Variants in CYYR1 observed in about 807,000 individuals in gnomAD.
CYYR1 encodes cysteine and tyrosine-rich protein 1.
A neutral mutation model predicts 15.2 loss-of-function variants in CYYR1; 14 were observed. The observed-to-expected ratio is 0.92, with a 90% CI of 0.61 to 1.44. CYYR1 has a LOEUF of 1.44. Ranked by LOEUF, CYYR1 falls within the 40% of genes most tolerant of loss-of-function variation. The probability of loss-of-function intolerance (pLI) is 0.00; values close to 1 mark genes in which losing one functional copy is unlikely to be tolerated. For missense variants in CYYR1, 228 were observed against 209.5 expected (o/e 1.09, Z -0.54); for synonymous variants, 80 against 77.4 (o/e 1.03, Z -0.18).
chr21:26,480,384 C>G lies in CYYR1; in HGVS notation c.222G>C (p.Met74Ile), dbSNP rs1441512244. 1.9e-6 allele frequency: 3 copies of G among 1,613,346 alleles called. No homozygotes were observed. Among genetic ancestry groups the G allele is most frequent in the East Asian group, 4.5e-5 (2 of 44,856 alleles). The change falls in exon 3 of 4, where the codon ATG (methionine) becomes ATC (isoleucine). Residue 74 changes from methionine to isoleucine, a missense_variant. By Grantham distance (10) the Met-to-Ile change is conservative (BLOSUM62 1). Transcript: ENST00000652641. The part of the protein sequence containing the change: ...AGIVFGIVFI[M>I]GVIAGIAICI... The stretch of plus-strand genomic sequence containing the variant: ...ATATGGCAATCCCAGCAATGACCCC[C>G]ATGATAAATACTATTCCAAAAACAA...
intron 2 of CYYR1, among the ~76,000 whole-genome samples, chr21:26,559,529 A>AT (rs943375708): frequency 2.6e-5 from 4 of 151,916 alleles, no homozygotes; most frequent in South Asian, 2.1e-4. Context: ...TATTTTAGAC[A>AT]TTTTTTCTAT....
intron 2 of CYYR1, among the ~76,000 whole-genome samples, chr21:26,565,211 C>T (rs899759478): frequency 2.6e-5 from 4 of 152,118 alleles, no homozygotes; most frequent in Non-Finnish European, 5.9e-5. Flanking sequence ...GGAGCCTCAA[C>T]ACTGATTCCA....
intron 3 of CYYR1, 89 bp from the exon 4 acceptor site, chr21:26,468,723 G>A (rs1320662487): frequency 3.0e-6 from 3 of 1,011,728 alleles, no homozygotes; most frequent in South Asian, 1.6e-5. Context: ...TACTTTGGGA[G>A]GGGACATAAA....
chr21:26,571,607 G>T (rs899955307), intron 1 of CYYR1, among the ~76,000 whole-genome samples: 4 of 152,240 alleles, frequency 2.6e-5, no homozygotes, highest in African/African-American at 9.6e-5. Flanking sequence ...AGCAGAGGAA[G>T]TGAAAAGCAT....
intron 2 of CYYR1, among the ~76,000 whole-genome samples, chr21:26,557,369 C>T (rs370993465): frequency 4.9e-4 from 75 of 152,212 alleles, no homozygotes; most frequent in African/African-American, 1.7e-3. Context: ...TAAAAATGGG[C>T]GCTCACATAG....
In CYYR1 at chr21:26,467,867, A is replaced by G. The variant is rs935801470; in HGVS notation, c.*634T>C. 6.5e-6 allele frequency: 1 copy of G among 154,646 alleles called. No homozygotes were observed. The highest frequency in any genetic ancestry group is 2.4e-5 in the African/African-American group (1 of 41,448). The allele number at this position is 154,646 out of a possible 1,614,324, so 9.6% of individuals were successfully genotyped here. ...ATACGAGCAGAACTTCTGAGGCCCAATGAACCCATCTACTATTTGATTTTG... is the reference window on the plus strand; with the variant it reads ...ATACGAGCAGAACTTCTGAGGCCCAGTGAACCCATCTACTATTTGATTTTG... On this transcript the variant is annotated 3_prime_UTR_variant, in exon 4 of 4. Coordinates refer to ENST00000652641, the MANE Select transcript of CYYR1 (RefSeq NM_001320768.2).
At chr21:26,507,924 T>C (rs776903693) in intron 2 of CYYR1, among the ~76,000 whole-genome samples, 9 of 152,166 alleles carry the variant, frequency 5.9e-5, no homozygotes, top group Non-Finnish European at 1.3e-4. Flanking sequence ...ACACCTATTA[T>C]GTATGTGCCT....
chr21:26,501,114 C>A (rs774439064), intron 2 of CYYR1, among the ~76,000 whole-genome samples: 17 of 152,264 alleles, frequency 1.1e-4, no homozygotes, highest in Admixed American at 2.0e-4. Flanking sequence ...CCAAGGCAGG[C>A]AGATCATGAA....
At chr21:26,498,562 T>A (rs965478869) in intron 2 of CYYR1, among the ~76,000 whole-genome samples, 1 of 152,184 alleles carries the variant, frequency 6.6e-6, no homozygotes, top group Non-Finnish European at 1.5e-5. Flanking sequence ...AAGTCTAGCT[T>A]GTGAAGGGCC....
intron 2 of CYYR1, chr21:26,482,116 T>C (rs554083625): frequency 4.3e-6 from 1 of 230,632 alleles, no homozygotes; most frequent in East Asian, 1.8e-4. Flanking sequence ...CCTCCTCTTA[T>C]ACTATTTGGG....
At chr21:26,487,423 G>A (rs1482050216) in intron 2 of CYYR1, among the ~76,000 whole-genome samples, 3 of 152,006 alleles carry the variant, frequency 2.0e-5, no homozygotes, top group South Asian at 2.1e-4. Flanking sequence ...CTACTACAGC[G>A]CTGAAAGTCG....
chr21:26,540,292 G>C (rs1001940854), intron 2 of CYYR1, among the ~76,000 whole-genome samples: 3 of 152,154 alleles, frequency 2.0e-5, no homozygotes, highest in African/African-American at 7.2e-5. Flanking sequence ...TCAAAACTGG[G>C]AAGAAGGAAA....
chr21:26,477,507 TA>T (rs1332193878), intron 3 of CYYR1: 2 of 206,026 alleles, frequency 9.7e-6, no homozygotes, highest in African/African-American at 4.7e-5. Flanking sequence ...TATAAAGTTT[TA>T]AAAACATATT....
chr21:26,485,839 G>A (rs2065241399), intron 2 of CYYR1, among the ~76,000 whole-genome samples: 1 of 152,088 alleles, frequency 6.6e-6, no homozygotes, highest in South Asian at 2.1e-4. Context: ...CAATTACTGG[G>A]ATGTACGATA....
At chr21:26,483,509 C>A in intron 2 of CYYR1, 1 of 740,594 alleles carries the variant, frequency 1.4e-6, no homozygotes, top group South Asian at 6.1e-5. Context: ...AAACTGAGAT[C>A]AGACCATAGA....
In CYYR1 at chr21:26,484,308, G is replaced by A. The variant is rs73349221; in HGVS notation, c.177-3879C>T. ...CTGAAAACTGAAAGTGCACATAAGG[G>A]ATTGTGAAGCTGTATTTATACTTTC... On this transcript the variant is annotated intron_variant, in intron 2 of 3. Coordinates refer to ENST00000652641, the MANE Select transcript of CYYR1 (RefSeq NM_001320768.2). 3.0e-3 allele frequency among the ~76,000 whole-genome samples: 458 copies of A among 152,148 alleles called. 2 individuals carry two copies. Among genetic ancestry groups the A allele is most frequent in the African/African-American group, 0.011 (442 of 41,542 alleles).
At chr21:26,566,168 T>C in intron 2 of CYYR1, 98 bp downstream of exon 2, 2 of 820,516 alleles carry the variant, frequency 2.4e-6, no homozygotes, top group South Asian at 3.6e-5. Context: ...TCTTGAAATC[T>C]CTTGCCCACA....
chr21:26,545,208 T>G (rs1044420614), intron 2 of CYYR1, among the ~76,000 whole-genome samples: 9 of 152,322 alleles, frequency 5.9e-5, no homozygotes, highest in African/African-American at 1.7e-4. Context: ...ACTATCTTAT[T>G]TTTAAGGTTC....
chr21:26,478,219 G>T (rs2065127998), intron 3 of CYYR1: 1 of 1,506,950 alleles, frequency 6.6e-7, no homozygotes, highest in Non-Finnish European at 8.9e-7. Flanking sequence ...AAGCACTCTG[G>T]ATAAAAAGCA....
Sources: gnomAD v4.1 joint callset for allele counts (sites outside exome capture counted in the v4.1 genomes callset) on GRCh38, gnomAD v4.1.1 for gene constraint, MANE v1.5 for transcripts, NCBI Gene and HGNC (gene_info 2026-07-23, HGNC 2026-07-21) for gene names.